Variants in GPBP1 observed in about 807,000 individuals in gnomAD.
The protein encoded by GPBP1 is vasculin.
GPBP1 carries 13 observed loss-of-function variants against 56.5 expected under a neutral mutation model. The ratio of observed to expected loss-of-function variants is 0.23; its 90% confidence interval spans 0.15 to 0.37. The LOEUF (loss-of-function observed/expected upper bound fraction) is 0.37. Ranked by LOEUF, GPBP1 falls within the 10% of genes least tolerant of loss-of-function variation. GPBP1 has a pLI of 1.00. For missense variants in GPBP1, 477 were observed against 572.3 expected, an observed-to-expected ratio of 0.83 and a Z score of 1.70; for synonymous variants, 204 against 188.9, an observed-to-expected ratio of 1.08 and a Z score of -0.66.
chr5:57,219,234 G>A (rs1195995998), intron 3 of GPBP1, among the ~76,000 whole-genome samples: 1 of 151,164 alleles, frequency 6.6e-6, no homozygotes, highest in Admixed American at 6.6e-5. Context: ...AAATTAGCCG[G>A]GTATGGTGGC....
intron 2 of GPBP1, among the ~76,000 whole-genome samples, chr5:57,211,647 G>A (rs1036701208): frequency 3.3e-5 from 5 of 151,894 alleles, no homozygotes; most frequent in Admixed American, 1.3e-4. Flanking sequence ...GCAATGGCGC[G>A]ATCTCTGCTC....
At chr5:57,219,405 C>CAAAAAAAAAAAAAAAAAAAAAAAAAA (rs1200185260) in intron 3 of GPBP1, among the ~76,000 whole-genome samples, 1 of 34,192 alleles carries the variant, frequency 2.9e-5, no homozygotes, top group African/African-American at 1.2e-4. Flanking sequence ...AAAAAAAAAC[C>CAAAAAAAAAAAAAAAAAAAAAAAAAA]AAAAACAAAC....
intron 3 of GPBP1, among the ~76,000 whole-genome samples, chr5:57,228,904 T>C (rs1469682472): frequency 6.6e-6 from 1 of 151,642 alleles, no homozygotes; most frequent in Non-Finnish European, 1.5e-5. Flanking sequence ...AGCAAGCATA[T>C]ATGTATGTGT....
chr5:57,232,577 C>G (rs73127785), intron 5 of GPBP1, among the ~76,000 whole-genome samples: 7,621 of 152,168 alleles, frequency 0.05, 651 homozygotes, highest in African/African-American at 0.17. Flanking sequence ...TGTTCTCTGC[C>G]TTTGCCTCTT....
intron 10 of GPBP1, among the ~76,000 whole-genome samples, chr5:57,259,803 A>G (rs1298571957): frequency 6.6e-6 from 1 of 152,092 alleles, no homozygotes; most frequent in Admixed American, 6.5e-5. Context: ...AAGCTTTCCC[A>G]GGCATTTTTC....
intron 2 of GPBP1, among the ~76,000 whole-genome samples, chr5:57,211,605 A>T (rs1272576296): frequency 2.6e-5 from 3 of 117,440 alleles, no homozygotes; most frequent in Non-Finnish European, 5.4e-5. Flanking sequence ...TTGTTGTTGG[A>T]GATGGAGTTT....
At chr5:57,250,890 G>A in intron 9 of GPBP1, 64 bp from the exon 10 acceptor site, 2 of 1,140,408 alleles carry the variant, frequency 1.8e-6, no homozygotes, top group Non-Finnish European at 2.5e-6. Flanking sequence ...TCTATTAAAA[G>A]TTTTTAATAA....
In GPBP1 at chr5:57,262,882, T is replaced by C; in HGVS notation, c.*130T>C. The C allele has an allele frequency of 1.4e-6, 1 of 728,418 alleles. No homozygotes were observed. The highest frequency in any genetic ancestry group is 2.2e-6 in the Non-Finnish European group (1 of 446,288). 45.1% of individuals were successfully genotyped at this position (728,418 alleles called of 1,614,324 possible). ...ATTAGAAGAGGATTTTTTGGGGGAC[T>C]TCAATATGAAGAAAACCAAGAATGT... On this transcript the variant is annotated 3_prime_UTR_variant, in exon 12 of 12. Transcript: ENST00000506184.
intron 3 of GPBP1, among the ~76,000 whole-genome samples, chr5:57,229,665 G>A (rs1171487719): frequency 6.6e-6 from 1 of 151,936 alleles, no homozygotes; most frequent in Non-Finnish European, 1.5e-5. Context: ...CTCCCGAGTA[G>A]CTGGAACTAC....
chr5:57,252,717 T>A (rs953182455), intron 10 of GPBP1, among the ~76,000 whole-genome samples: 57 of 147,484 alleles, frequency 3.9e-4, no homozygotes, highest in Non-Finnish European at 2.7e-4. Context: ...TATTGTAAAT[T>A]TTTTTTTTTT....
At chr5:57,260,456 C>T (rs891232640) in intron 10 of GPBP1, among the ~76,000 whole-genome samples, 1 of 152,118 alleles carries the variant, frequency 6.6e-6, no homozygotes, top group Non-Finnish European at 1.5e-5. Context: ...GTTCTTGCTT[C>T]GATTTTAGCA....
At chr5:57,233,808 A>G (rs1237807207) in intron 5 of GPBP1, among the ~76,000 whole-genome samples, 3 of 152,222 alleles carry the variant, frequency 2.0e-5, no homozygotes, top group Non-Finnish European at 2.9e-5. Context: ...TCAAGGTTCA[A>G]CTGTATAAAC....
At chr5:57,180,322 G>T (rs572215488) in intron 2 of GPBP1, among the ~76,000 whole-genome samples, 44 of 152,128 alleles carry the variant, frequency 2.9e-4, no homozygotes, top group African/African-American at 9.6e-4. Flanking sequence ...TGTCATGTTG[G>T]CCAGGCTGGT....
chr5:57,191,065 T>G (rs537932943), intron 2 of GPBP1, among the ~76,000 whole-genome samples: 2 of 151,696 alleles, frequency 1.3e-5, no homozygotes, highest in East Asian at 3.9e-4. Context: ...TGTGAGCCAT[T>G]GTGCCTGGCT....
At chr5:57,257,403 T>C (rs1025328104) in intron 10 of GPBP1, among the ~76,000 whole-genome samples, 1 of 152,198 alleles carries the variant, frequency 6.6e-6, no homozygotes, top group Non-Finnish European at 1.5e-5. Flanking sequence ...CTAAGGCACA[T>C]AGATCATTCT....
chr5:57,186,995 C>G (rs1754315178), intron 2 of GPBP1, among the ~76,000 whole-genome samples: 1 of 142,922 alleles, frequency 7.0e-6, no homozygotes, highest in Admixed American at 7.3e-5. Flanking sequence ...TATTTCTGGA[C>G]TCAGAGAAGT....
intron 3 of GPBP1, among the ~76,000 whole-genome samples, chr5:57,223,785 A>G (rs6879296): frequency 0.29 from 42,587 of 148,644 alleles, 6,683 homozygotes; most frequent in East Asian, 0.71. Context: ...AAAATTATAT[A>G]TATAATTTTA....
At chr5:57,203,105 T>C (rs1755087407) in intron 2 of GPBP1, among the ~76,000 whole-genome samples, 2 of 152,220 alleles carry the variant, frequency 1.3e-5, no homozygotes, top group East Asian at 3.8e-4. Flanking sequence ...TGAAGTTCAA[T>C]TATATTTTGT....
At chr5:57,249,172 T>C (rs1741243000) in intron 8 of GPBP1, 1 of 364,448 alleles carries the variant, frequency 2.7e-6, no homozygotes, top group Non-Finnish European at 5.0e-6. Flanking sequence ...GACACCTAAT[T>C]TAGAATCATA....
Sources: gnomAD v4.1 joint callset for allele counts (sites outside exome capture counted in the v4.1 genomes callset) on GRCh38, gnomAD v4.1.1 for gene constraint, MANE v1.5 for transcripts, NCBI Gene and HGNC (gene_info 2026-07-23, HGNC 2026-07-21) for gene names.